The following BAZ2B variants were observed in gnomAD, a reference collection of about 807,000 sequenced individuals.
The protein encoded by BAZ2B is bromodomain adjacent to zinc finger domain protein 2B.
In BAZ2B, 91 loss-of-function variants were observed where a neutral mutation model predicts 246.0. The observed-to-expected ratio is 0.37, with a 90% CI of 0.31 to 0.44. The LOEUF is 0.44. Among genes scored for constraint, BAZ2B ranks in the 20% least tolerant of loss-of-function variants. BAZ2B has a pLI of 1.00. For synonymous variants in BAZ2B, 855 were observed against 860.0 expected, an observed-to-expected ratio of 0.99 and a Z score of 0.10; for missense variants, 2,332 against 2,533.7, an observed-to-expected ratio of 0.92 and a Z score of 1.71.
At chr2:159,624,399 AG>A in the BAZ2B span, among the ~76,000 whole-genome samples, 2 of 152,196 alleles carry the variant, frequency 1.3e-5, no homozygotes, top group African/African-American at 4.8e-5. Flanking sequence ...CCTGATGGGG[AG>A]ACACCTCCCA....
At chr2:159,533,242 T>G (rs1470480797) in intron 2 of BAZ2B, among the ~76,000 whole-genome samples, 1 of 152,142 alleles carries the variant, frequency 6.6e-6, no homozygotes, top group Non-Finnish European at 1.5e-5. Flanking sequence ...GTGAAACCAT[T>G]AACAGTAATA....
At chr2:159,431,201 C>A (rs768879094) in intron 9 of BAZ2B, 45 bp from the exon 10 acceptor site, 3 of 1,543,298 alleles carry the variant, frequency 1.9e-6, no homozygotes, top group Admixed American at 4.0e-5. Flanking sequence ...TAGATAATCA[C>A]CAATAATTTG....
At chr2:159,418,852 A>C (rs1245926072) in intron 13 of BAZ2B, among the ~76,000 whole-genome samples, 35 of 152,124 alleles carry the variant, frequency 2.3e-4, no homozygotes, top group Admixed American at 2.3e-3. Flanking sequence ...ATGTAAGTGA[A>C]TGGAAGGACT....
chr2:159,363,608 AAGG>A (rs2059934020), intron 27 of BAZ2B, among the ~76,000 whole-genome samples: 1 of 152,224 alleles, frequency 6.6e-6, no homozygotes, highest in South Asian at 2.1e-4. Context: ...GGAACAAAAG[AAGG>A]AGTAGACCGA....
the BAZ2B span, among the ~76,000 whole-genome samples, chr2:159,675,983 C>T: frequency 6.6e-6 from 1 of 152,272 alleles, no homozygotes; most frequent in African/African-American, 2.4e-5. Context: ...GCAACCTCCA[C>T]CCCCCAGGTT....
chr2:159,462,986 T>C (rs2076598413), intron 3 of BAZ2B: 3 of 878,142 alleles, frequency 3.4e-6, no homozygotes, highest in Non-Finnish European at 5.8e-6. Flanking sequence ...TTTTGTTTCT[T>C]GGATCTAAAA....
chr2:159,680,811 C>T, the BAZ2B span, among the ~76,000 whole-genome samples: 1 of 152,180 alleles, frequency 6.6e-6, no homozygotes, highest in Non-Finnish European at 1.5e-5. Context: ...AATGTGCTAC[C>T]AACCTATTGC....
intron 2 of BAZ2B, chr2:159,555,460 A>C (rs1323745000): frequency 6.6e-6 from 1 of 152,062 alleles, no homozygotes; most frequent in African/African-American, 2.4e-5. Flanking sequence ...ACTTTTATAT[A>C]TATTTCCTAA....
chr2:159,541,969 TAAAG>T (rs2086711915), intron 2 of BAZ2B, among the ~76,000 whole-genome samples: 1 of 151,956 alleles, frequency 6.6e-6, no homozygotes, highest in African/African-American at 2.4e-5. Context: ...AGAATATCAA[TAAAG>T]AAACAGAAAT....
At chr2:159,582,924 C>G (rs2151643313) in intron 1 of BAZ2B, among the ~76,000 whole-genome samples, 1 of 152,014 alleles carries the variant, frequency 6.6e-6, no homozygotes, top group East Asian at 1.9e-4. Flanking sequence ...TTCAATTTGC[C>G]TATTTTGTTT....
At chr2:159,706,444 C>CA in the BAZ2B span, among the ~76,000 whole-genome samples, 1 of 151,916 alleles carries the variant, frequency 6.6e-6, no homozygotes. Context: ...CTTCCAATCT[C>CA]AAAAAAAATG....
At position 159,325,200 on chromosome 2, in the gene BAZ2B, G is replaced by A. The variant is rs1366861058; in HGVS notation, c.6210-246C>T. Among the ~76,000 whole-genome samples, 10 of 134,902 alleles carry A rather than the reference G, an allele frequency of 7.4e-5. 1 individual carries two copies. In the South Asian group the frequency reaches 1.4e-3, roughly 19 times the overall value. The allele number at this position is 134,902 out of a possible 152,430, so 88.5% of individuals were successfully genotyped here. A position where few individuals can be genotyped will look rare whatever the true frequency, so the allele number is the denominator to read the frequency against. The stretch of plus-strand genomic sequence containing the variant: ...GACTGGAGCACAGTGGCACCATCTC[G>A]GCTCACTACAACCCCTGCCTCCCGG... On this transcript the variant is annotated intron_variant, in intron 35 of 36. Coordinates refer to ENST00000392783, the MANE Select transcript of BAZ2B (RefSeq NM_013450.4).
At chr2:159,541,827 C>T (rs2086696478) in intron 2 of BAZ2B, among the ~76,000 whole-genome samples, 1 of 152,124 alleles carries the variant, frequency 6.6e-6, no homozygotes, top group Non-Finnish European at 1.5e-5. Context: ...CTGAAGATCT[C>T]CCATTAGGGC....
At chr2:159,590,739 G>C (rs1434901422) in intron 1 of BAZ2B, among the ~76,000 whole-genome samples, 1 of 152,166 alleles carries the variant, frequency 6.6e-6, no homozygotes. Context: ...TAATTGCAAA[G>C]ATGGGGGTGG....
chr2:159,676,680 C>CACACAT, the BAZ2B span, among the ~76,000 whole-genome samples: 26 of 149,536 alleles, frequency 1.7e-4, no homozygotes, highest in African/African-American at 5.9e-4. Context: ...CACACACACA[C>CACACAT]AGAGTTGTTT....
At chr2:159,396,089 G>T in intron 19 of BAZ2B, 2 of 306,232 alleles carry the variant, frequency 6.5e-6, no homozygotes, top group Non-Finnish European at 6.0e-6. Flanking sequence ...GTAAACAGAA[G>T]CATACAAGAT....
At chr2:159,530,695 G>A (rs1020166436) in intron 2 of BAZ2B, among the ~76,000 whole-genome samples, 8 of 152,086 alleles carry the variant, frequency 5.3e-5, no homozygotes, top group Admixed American at 4.6e-4. Context: ...GTAAGGCCGA[G>A]TGCAGTGGCT....
At chr2:159,492,992 C>G (rs937933648) in intron 2 of BAZ2B, among the ~76,000 whole-genome samples, 22 of 152,184 alleles carry the variant, frequency 1.4e-4, no homozygotes, top group African/African-American at 5.3e-4. Flanking sequence ...AAACACAGTT[C>G]TTTTGATCCT....
rs775203155 is a variant in BAZ2B, at chr2:159,320,336, T to C, written c.6436A>G (p.Ile2146Val). 3.2e-6 allele frequency: 5 copies of C among 1,585,308 alleles called. No homozygotes were observed. Among genetic ancestry groups the C allele is most frequent in the Non-Finnish European group, 4.3e-6 (5 of 1,172,810 alleles). Residue 2146 changes from isoleucine (I) to valine (V), a missense_variant, in exon 37 of 37, where the codon ATA (isoleucine) becomes GTA (valine). By Grantham distance (29) the Ile-to-Val change is conservative (BLOSUM62 3). This residue lies in a region of BAZ2B where 210 missense variants were observed against 232.5 expected (regional missense o/e 0.90). Coordinates refer to ENST00000392783, the MANE Select transcript of BAZ2B (RefSeq NM_013450.4). The part of the protein sequence containing the change: ...CETFNEDDSD[I>V]GRAGHNMRKY... ...CTCATATTGTGGCCAGCTCTGCCTA[T>C]ATCAGAATCATCTTCATTAAATGTT... is the stretch of plus-strand genomic sequence containing the variant.
Sources: gnomAD v4.1 joint callset for allele counts (sites outside exome capture counted in the v4.1 genomes callset) on GRCh38, gnomAD v4.1.1 for gene constraint, gnomAD v4.1.1 regional missense constraint, MANE v1.5 for transcripts, NCBI Gene and HGNC (gene_info 2026-07-23, HGNC 2026-07-21) for gene names.